FOLH1: variants seen among roughly 807,000 people sequenced by gnomAD.
FOLH1 encodes the protein glutamate carboxypeptidase 2.
In FOLH1, 54 loss-of-function variants were observed where a neutral mutation model predicts 93.9. That is an observed-to-expected ratio of 0.57 (90% CI 0.46 to 0.72). FOLH1 has a LOEUF of 0.72. FOLH1 is among the 30% of genes least tolerant of loss of function. The probability of loss-of-function intolerance (pLI) is 0.00; values close to 1 mark genes in which losing one functional copy is unlikely to be tolerated. For missense variants in FOLH1, 571 were observed against 892.5 expected (o/e 0.64, Z 4.59); for synonymous variants, 249 against 303.6 (o/e 0.82, Z 1.87).
rs769456909 is a variant in FOLH1, at chr11:49,154,281, T to C, written c.1835A>G (p.Tyr612Cys). ...VVLRKYADKI[Y>C]SISMKHPQEM... is the part of the protein sequence containing the mutation. ...CTGTGGATGTTTCATAGAAATACTG[T>C]AGATTTTGTCAGCATACTTTCTTAA... The change falls in exon 16 of 19, where the codon TAC becomes TGC. Residue 612 changes from tyrosine to cysteine, a missense_variant. Coordinates refer to ENST00000256999, the MANE Select transcript of FOLH1 (RefSeq NM_004476.3). 2 of 1,613,514 alleles carry C rather than the reference T, an allele frequency of 1.2e-6. No individual in the cohort carries two copies. The highest frequency in any genetic ancestry group is 1.7e-6 in the Non-Finnish European group (2 of 1,179,600).
chr11:49,182,328 CAA>C (rs59966842), intron 7 of FOLH1, among the ~76,000 whole-genome samples: 11 of 59,978 alleles, frequency 1.8e-4, no homozygotes, highest in African/African-American at 7.3e-4. Flanking sequence ...GACACTGTCT[CAA>C]AAAAAAAAAA....
rs1156462502 is a variant in FOLH1, at chr11:49,145,862, T to G, written c.*894A>C. Among the ~76,000 whole-genome samples the G allele has an allele frequency of 1.3e-5, 2 of 152,138 alleles. No homozygotes were observed. Among genetic ancestry groups the G allele is most frequent in the African/African-American group, 4.8e-5 (2 of 41,446 alleles). ...TGATGGACCCTGAATCCTACCCTCA[T>G]GTGAATGAATGCTCTATATCAGCAA... On this transcript the variant is annotated 3_prime_UTR_variant, in exon 19 of 19. Coordinates refer to ENST00000256999, the MANE Select transcript of FOLH1 (RefSeq NM_004476.3).
Position 49,183,219 on chromosome 11 carries a change from C to T in FOLH1, c.850G>A (p.Ala284Thr), listed in dbSNP as rs776050215. The T allele has an allele frequency of 3.7e-6, 6 of 1,612,698 alleles. No homozygotes were observed. In the South Asian group the frequency reaches 5.5e-5, roughly 15 times the overall value. Residue 284 changes from alanine (A) to threonine (T), a missense_variant, in exon 7 of 19, where the codon GCA (alanine) becomes ACA (threonine). By Grantham distance (58) the Ala-to-Thr change is moderately conservative. Transcript: ENST00000256999. The part of the protein sequence containing the change: ...ANEYAYRRGI[A>T]EAVGLPSIPV... ...ATACTTGGAAGACCAACAGCCTCTG[C>T]AATTCCACGCCTATAAGCATATTCT... is the stretch of plus-strand genomic sequence containing the variant.
At chr11:49,169,761 A>G (rs953360927) in intron 11 of FOLH1, among the ~76,000 whole-genome samples, 2 of 152,204 alleles carry the variant, frequency 1.3e-5, no homozygotes, top group African/African-American at 4.8e-5. Context: ...GCTCTCCTGT[A>G]GGATGGTACC....
In FOLH1 at chr11:49,192,887, T is replaced by C. The variant is rs144409953; in HGVS notation, c.419A>G (p.Asn140Ser). The C allele has an allele frequency of 2.5e-4, 393 of 1,578,312 alleles. No homozygotes were observed. The highest frequency in any genetic ancestry group is 2.9e-4 in the Non-Finnish European group (332 of 1,164,652). The change falls in exon 4 of 19, where the codon AAC (asparagine) becomes AGC (serine). Residue 140 changes from asparagine to serine, a missense_variant. By Grantham distance (46) the Asn-to-Ser change is conservative. This residue lies in a region of FOLH1 where 500 missense variants were observed against 822.9 expected (regional missense o/e 0.61). Coordinates refer to ENST00000256999, the MANE Select transcript of FOLH1 (RefSeq NM_004476.3). ...AGGAGGTGGTTCAAATAATGATGTG[T>C]TGAAAATCTAGAGAAACAAAATATT... is the stretch of plus-strand genomic sequence containing the variant. ...IINEDGNEIF[N>S]TSLFEPPPPG...
At chr11:49,206,467 C>T in intron 1 of FOLH1, 3 of 615,848 alleles carry the variant, frequency 4.9e-6, no homozygotes, top group Non-Finnish European at 8.3e-6. Flanking sequence ...AATAAAATGA[C>T]ATTAATGTTT....
intron 5 of FOLH1, 55 bp downstream of exon 5, chr11:49,186,589 C>A (rs1450803614): frequency 5.2e-6 from 8 of 1,543,118 alleles, no homozygotes; most frequent in Non-Finnish European, 7.0e-6. Flanking sequence ...CATGTAAAAC[C>A]CACTATAACT....
intron 14 of FOLH1, among the ~76,000 whole-genome samples, 160 bp downstream of exon 14, chr11:49,157,792 A>G (rs1354285064): frequency 1.3e-5 from 2 of 152,092 alleles, no homozygotes; most frequent in East Asian, 3.9e-4. Flanking sequence ...TACAAAACAC[A>G]TAGTAATATT....
intron 10 of FOLH1, among the ~76,000 whole-genome samples, chr11:49,172,399 G>A (rs1185350125): frequency 6.6e-6 from 1 of 152,060 alleles, no homozygotes; most frequent in East Asian, 1.9e-4. Flanking sequence ...AGACATCATG[G>A]TTTTGAGGAC....
At chr11:49,161,614 T>C in intron 13 of FOLH1, among the ~76,000 whole-genome samples, 1 of 152,242 alleles carries the variant, frequency 6.6e-6, no homozygotes, top group African/African-American at 2.4e-5. Context: ...TTGGTGTATT[T>C]AGACCATTTA....
rs1371222027 is a variant in FOLH1 at position 49,158,175 on chromosome 11, G to C, written c.1441-132C>G. On this transcript the variant is annotated intron_variant, in intron 13 of 18. Transcript: ENST00000256999. ...AAGGGATGCTATCCATACATTAGCA[G>C]TCATCAAGAATTATAAGTTTCTGAC... 2.6e-5 allele frequency: 15 copies of C among 583,662 alleles called. No homozygotes were observed. In the East Asian group the frequency reaches 4.4e-4, roughly 17 times the overall value. The allele number at this position is 583,662 out of a possible 1,614,324, so 36.2% of individuals were successfully genotyped here. A position where few individuals can be genotyped will look rare whatever the true frequency, so the allele number is the denominator to read the frequency against.
chr11:49,200,536 T>G (rs1863155763), intron 2 of FOLH1, 95 bp from the exon 3 acceptor site: 11 of 1,328,668 alleles, frequency 8.3e-6, no homozygotes, highest in Non-Finnish European at 1.1e-5. Flanking sequence ...AAAAGTACTT[T>G]GAAGTGTGAT....
chr11:49,192,971 T>C, intron 3 of FOLH1, 77 bp from the exon 4 acceptor site: 1 of 1,246,824 alleles, frequency 8.0e-7, no homozygotes, highest in Non-Finnish European at 1.1e-6. Context: ...AAAAAATGAA[T>C]ATTATCTTTT....
intron 2 of FOLH1, among the ~76,000 whole-genome samples, chr11:49,203,939 T>A (rs1185684602): frequency 1.3e-5 from 2 of 152,204 alleles, no homozygotes; most frequent in Admixed American, 1.3e-4. Flanking sequence ...GGTCCACACC[T>A]GTTAACACCA....
rs746021500 is a variant in FOLH1 at position 49,208,385 on chromosome 11, C to T, written c.25G>A (p.Asp9Asn). Residue 9 changes from aspartate (D) to asparagine (N), a missense_variant, in exon 1 of 19, where the codon GAC (aspartate) becomes AAC (asparagine). Around this residue, in one of 2 missense-constraint regions of FOLH1, gnomAD observed 71 missense variants for 69.6 expected, o/e 1.02. Transcript: ENST00000256999. MWNLLHET[D>N]SAVATARRPR... is the part of the protein sequence containing the mutation. ...CGGCGCGCGGTGGCCACAGCCGAGT[C>T]GGTTTCGTGAAGGAGATTCCACATC... 2.6e-5 allele frequency: 41 copies of T among 1,603,274 alleles called. No individual in the cohort carries two copies. The highest frequency in any genetic ancestry group is 3.4e-5 in the Non-Finnish European group (40 of 1,173,894).
chr11:49,148,705 T>C lies in FOLH1; in HGVS notation c.1997A>G (p.Asp666Gly). The part of the protein sequence containing the change: ...SNPIVLRMMN[D>G]QLMFLERAFI... ...TGCTCTTTCCAGAAACATGAGTTGA[T>C]CATTCATCATTCTTAATACTATTGG... Residue 666 changes from aspartate (D) to glycine (G), a missense_variant, in exon 18 of 19, where the codon GAT becomes GGT. Asp to Gly is a moderately conservative substitution (Grantham distance 94). Around this residue, in one of 2 missense-constraint regions of FOLH1, gnomAD observed 500 missense variants for 822.9 expected, o/e 0.61. Coordinates refer to ENST00000256999, the MANE Select transcript of FOLH1 (RefSeq NM_004476.3). The C allele has an allele frequency of 6.2e-7, 1 of 1,604,802 alleles. No homozygotes were observed. The highest frequency in any genetic ancestry group is 1.1e-5 in the South Asian group (1 of 89,104).
intron 1 of FOLH1, 44 bp downstream of exon 1, chr11:49,208,248 C>A: frequency 7.3e-7 from 1 of 1,377,470 alleles, no homozygotes; most frequent in South Asian, 1.4e-5. Context: ...ACCGCGGCAC[C>A]ACGGGGAAGA....
intron 11 of FOLH1, among the ~76,000 whole-genome samples, chr11:49,170,777 C>T (rs1237520261): frequency 1.3e-5 from 2 of 152,106 alleles, no homozygotes; most frequent in African/African-American, 4.8e-5. Context: ...ACAAGATTCT[C>T]CATTTAAATG....
chr11:49,155,539 T>A (rs1856910724), intron 15 of FOLH1: 1 of 237,260 alleles, frequency 4.2e-6, no homozygotes, highest in Non-Finnish European at 8.5e-6. Context: ...TTACCATTTT[T>A]ATAACTGTGA....
Sources: allele counts gnomAD v4.1 joint callset (sites outside exome capture counted in the v4.1 genomes callset), GRCh38; gene constraint gnomAD v4.1.1; regional missense constraint gnomAD v4.1.1; transcripts MANE v1.5; gene names NCBI Gene and HGNC (gene_info 2026-07-23, HGNC 2026-07-21).